CSF2RB: variants seen among roughly 807,000 people sequenced by gnomAD.
CSF2RB encodes the protein cytokine receptor common subunit beta.
A neutral mutation model predicts 67.2 loss-of-function variants in CSF2RB; 22 were observed. That is an observed-to-expected ratio of 0.33 (90% CI 0.23 to 0.47). CSF2RB has a LOEUF of 0.47. CSF2RB is among the 20% of genes least tolerant of loss of function. CSF2RB has a pLI of 1.00. For synonymous variants in CSF2RB, 507 were observed against 482.9 expected (o/e 1.05, Z -0.65); for missense variants, 1,113 against 1,174.5 (o/e 0.95, Z 0.76).
intron 1 of CSF2RB, among the ~76,000 whole-genome samples, chr22:36,915,388 A>C (rs1455057317): frequency 6.6e-6 from 1 of 150,826 alleles, no homozygotes; most frequent in Non-Finnish European, 1.5e-5. Flanking sequence ...CCAGGATGGT[A>C]GTTTTTCTTT....
intron 13 of CSF2RB, among the ~76,000 whole-genome samples, chr22:36,936,866 G>A (rs538574327): frequency 6.6e-6 from 1 of 152,282 alleles, no homozygotes; most frequent in African/African-American, 2.4e-5. Flanking sequence ...GGAGTGACCG[G>A]AAGTGAAAGA....
chr22:36,935,362 T>C lies in CSF2RB; in HGVS notation c.1327T>C (p.Trp443Arg). Reference sequence around the variant, plus strand: ...CCGGCTGCTGGAAGTGCTGCCTATGTGGGTGCTGGCCCTCATCGTGATCTT... The same window carrying C: ...CCGGCTGCTGGAAGTGCTGCCTATGCGGGTGCTGGCCCTCATCGTGATCTT... ...SWDTESVLPM[W>R]VLALIVIFLT... The change falls in exon 11 of 14, where the codon TGG (tryptophan) becomes CGG (arginine). Residue 443 changes from tryptophan (W) to arginine (R), a missense_variant. This residue lies in a region of CSF2RB where 559 missense variants were observed against 656.5 expected (regional missense o/e 0.85). Coordinates refer to ENST00000403662, the MANE Select transcript of CSF2RB (RefSeq NM_000395.3). The C allele has an allele frequency of 6.2e-7, 1 of 1,614,166 alleles. No individual in the cohort carries two copies. Among genetic ancestry groups the C allele is most frequent in the Non-Finnish European group, 8.5e-7 (1 of 1,180,016 alleles).
intron 1 of CSF2RB, among the ~76,000 whole-genome samples, chr22:36,914,838 C>A (rs772495243): frequency 2.0e-5 from 3 of 152,074 alleles, no homozygotes; most frequent in Non-Finnish European, 4.4e-5. Flanking sequence ...TACAGATATA[C>A]CAACACCACA....
intron 9 of CSF2RB, 34 bp from the exon 10 acceptor site, chr22:36,933,798 C>T (rs537498055): frequency 6.9e-6 from 11 of 1,588,530 alleles, no homozygotes; most frequent in African/African-American, 2.7e-5. Context: ...CCACGGGCAC[C>T]GGGCCAGGCC....
At position 36,937,764 on chromosome 22, in the gene CSF2RB, G is replaced by A. The variant is rs1225399196; in HGVS notation, c.1956G>A (p.Val652=). The A allele has an allele frequency of 6.3e-7, 1 of 1,576,272 alleles. No individual in the cohort carries two copies. The highest frequency in any genetic ancestry group is 2.3e-5 in the East Asian group (1 of 43,234). The stretch of plus-strand genomic sequence containing the variant: ...AGGCGATGGGACCAGGACAGGCCGT[G>A]GAAGTGGAGAGAAGGCCGAGCCAGG... ...LAQAMGPGQA[V]EVERRPSQGA... The change falls in exon 14 of 14, where the codon GTG becomes GTA. Residue 652 remains valine, a synonymous_variant. Coordinates refer to ENST00000403662, the MANE Select transcript of CSF2RB (RefSeq NM_000395.3). This position sits in a 1 kb window ranked among gnomAD's most constrained non-coding sequence, Gnocchi z 4.6.
At chr22:36,929,015 A>C (rs537778526) in intron 4 of CSF2RB, among the ~76,000 whole-genome samples, 1 of 152,264 alleles carries the variant, frequency 6.6e-6, no homozygotes, top group Non-Finnish European at 1.5e-5. Flanking sequence ...CCTGGGCAGG[A>C]GGAAGGGAGC....
chr22:36,928,703 C>T (rs1243030631), intron 4 of CSF2RB, among the ~76,000 whole-genome samples: 3 of 152,150 alleles, frequency 2.0e-5, no homozygotes, highest in Non-Finnish European at 2.9e-5. Context: ...GTTGCTTACG[C>T]GTATTTGTTC....
Position 36,932,881 on chromosome 22 carries a change from A to G in CSF2RB, c.1129A>G (p.Arg377Gly). ...AGACCACACATTTGAGATCCAGTAC[A>G]GGAAAGACACGGCCACGTGGAAGGT... ...HIDHTFEIQY[R>G]KDTATWKDSK... Residue 377 changes from arginine to glycine, a missense_variant, in exon 9 of 14, where the codon AGG becomes GGG. Arg to Gly is a moderately radical substitution (Grantham distance 125). Coordinates refer to ENST00000403662, the MANE Select transcript of CSF2RB (RefSeq NM_000395.3). 6.2e-7 allele frequency: 1 copy of G among 1,614,158 alleles called. No homozygotes were observed.
At chr22:36,917,645 C>T (rs544211957) in intron 1 of CSF2RB, among the ~76,000 whole-genome samples, 7 of 152,174 alleles carry the variant, frequency 4.6e-5, no homozygotes, top group South Asian at 2.1e-4. Context: ...TTTTCTGGGT[C>T]GGGCACAGTG....
At chr22:36,923,132 A>G in intron 2 of CSF2RB, 112 bp from the exon 3 acceptor site, 1 of 1,536,526 alleles carries the variant, frequency 6.5e-7, no homozygotes, top group Non-Finnish European at 9.0e-7. Flanking sequence ...GTGCCTCTGC[A>G]GGGACCTGGG....
chr22:36,927,020 C>T (rs1357817955), intron 4 of CSF2RB, among the ~76,000 whole-genome samples: 3 of 152,140 alleles, frequency 2.0e-5, no homozygotes. Context: ...AGGGAGGTGA[C>T]TAGTCCAAGG....
chr22:36,935,156 G>C (rs1941239925), intron 10 of CSF2RB, among the ~76,000 whole-genome samples, 195 bp from the exon 11 acceptor site: 1 of 152,098 alleles, frequency 6.6e-6, no homozygotes, highest in African/African-American at 2.4e-5. Context: ...TTTGAACACT[G>C]TGGGGGTTCA....
rs1361150753 is a variant in CSF2RB, at chr22:36,939,971, A to AT, written c.*1474dup. On this transcript the variant is annotated 3_prime_UTR_variant, in exon 14 of 14. Transcript: ENST00000403662. ...CAACTTTTCATGTAAAATTTTAATT[A>AT]TTTTTGAATGTGTGGATGTGAGACT... 6.6e-6 allele frequency: 1 copy of AT among 152,172 alleles called. No individual in the cohort carries two copies. Among genetic ancestry groups the AT allele is most frequent in the Non-Finnish European group, 1.5e-5 (1 of 68,018 alleles). The allele number at this position is 152,172 out of a possible 1,614,324, so 9.4% of individuals were successfully genotyped here.
intron 1 of CSF2RB, among the ~76,000 whole-genome samples, chr22:36,915,996 G>A (rs761957215): frequency 2.4e-4 from 36 of 152,026 alleles, no homozygotes; most frequent in East Asian, 3.9e-4. Context: ...CATTTATTAC[G>A]TGTATTAATA....
In CSF2RB at chr22:36,938,857, T is replaced by C. The variant is rs541226647; in HGVS notation, c.*355T>C. The stretch of plus-strand genomic sequence containing the variant: ...TTTTTCTTCCTTCTTTTTTCACTGA[T>C]TTATTATGAGAGTGGGGCTGAGGTC... On this transcript the variant is annotated 3_prime_UTR_variant, in exon 14 of 14. Transcript: ENST00000403662. 12 of 539,536 alleles carry C rather than the reference T, an allele frequency of 2.2e-5. No individual in the cohort carries two copies. In the Admixed American group the frequency reaches 2.8e-4, roughly 12 times the overall value. 33.4% of individuals were successfully genotyped at this position (539,536 alleles called of 1,614,324 possible).
At chr22:36,925,538 G>A (rs549733974) in intron 3 of CSF2RB, among the ~76,000 whole-genome samples, 73 of 152,238 alleles carry the variant, frequency 4.8e-4, no homozygotes, top group South Asian at 1.7e-3. Context: ...TACTCCCTGC[G>A]CACTGGTTTT....
intron 11 of CSF2RB, 59 bp downstream of exon 11, chr22:36,935,500 TC>T: frequency 6.2e-7 from 1 of 1,605,046 alleles, no homozygotes; most frequent in East Asian, 2.2e-5. Flanking sequence ...CACTGGGGAA[TC>T]CCACCCAGCT....
chr22:36,934,636 C>G (rs1407926702), intron 10 of CSF2RB, among the ~76,000 whole-genome samples: 1 of 152,070 alleles, frequency 6.6e-6, no homozygotes, highest in Non-Finnish European at 1.5e-5. Flanking sequence ...ATCTTCCCAC[C>G]TCCCTGCACT....
chr22:36,921,943 G>GA, intron 1 of CSF2RB, 93 bp from the exon 2 acceptor site: 2 of 576,254 alleles, frequency 3.5e-6, no homozygotes, highest in Non-Finnish European at 6.2e-6. Context: ...ATGCATGAGG[G>GA]CCACTTCTCT....
Sources: allele counts gnomAD v4.1 joint callset (sites outside exome capture counted in the v4.1 genomes callset), GRCh38; gene constraint gnomAD v4.1.1; regional missense constraint gnomAD v4.1.1; non-coding constraint Gnocchi (gnomAD v3.1); transcripts MANE v1.5; gene names NCBI Gene and HGNC (gene_info 2026-07-23, HGNC 2026-07-21).